The following BCKDHB variants were observed in gnomAD, a reference collection of about 807,000 sequenced individuals.
BCKDHB encodes the protein 2-oxoisovalerate dehydrogenase subunit beta, mitochondrial.
BCKDHB carries 41 observed loss-of-function variants against 48.5 expected under a neutral mutation model. The ratio of observed to expected loss-of-function variants is 0.85; its 90% CI spans 0.66 to 1.10. BCKDHB has a LOEUF of 1.10. Ranked by LOEUF, BCKDHB falls within the 50% of genes least tolerant of loss-of-function variation. The probability of loss-of-function intolerance (pLI) is 0.00; values close to 1 mark genes in which losing one functional copy is unlikely to be tolerated. For synonymous variants in BCKDHB, 201 were observed against 174.8 expected, an observed-to-expected ratio of 1.15 and a Z score of -1.18; for missense variants, 496 against 494.2, an observed-to-expected ratio of 1.00 and a Z score of -0.03.
At chr6:80,445,472 G>C in the BCKDHB span, among the ~76,000 whole-genome samples, 1 of 152,274 alleles carries the variant, frequency 6.6e-6, no homozygotes, top group African/African-American at 2.4e-5. Flanking sequence ...AGCTGAGTGA[G>C]ACTCAATTGA....
chr6:80,301,536 G>A (rs956891872), intron 9 of BCKDHB, among the ~76,000 whole-genome samples: 1 of 151,952 alleles, frequency 6.6e-6, no homozygotes, highest in East Asian at 1.9e-4. Context: ...ATCATTAAGC[G>A]CCATGAACCA....
chr6:80,335,781 T>C (rs1769564143), intron 9 of BCKDHB, among the ~76,000 whole-genome samples: 1 of 152,068 alleles, frequency 6.6e-6, no homozygotes, highest in Non-Finnish European at 1.5e-5. Flanking sequence ...GAGGAAACTT[T>C]GATAGTTCAA....
In BCKDHB at chr6:80,200,956, A is replaced by C; in HGVS notation, c.765A>C (p.Pro255=). The C allele has an allele frequency of 6.2e-7, 1 of 1,612,242 alleles. No homozygotes were observed. The highest frequency in any genetic ancestry group is 8.5e-7 in the Non-Finnish European group (1 of 1,178,660). The change falls in exon 7 of 10, where the codon CCA becomes CCC. Residue 255 remains proline, a synonymous_variant. Coordinates refer to ENST00000320393, the MANE Select transcript of BCKDHB (RefSeq NM_183050.4). ...TAGCGGAAGAAGTCCCTATAGAACC[A>C]TACAACATCCCACTGTCCCAGGCCG... ...RAAAEEVPIE[P]YNIPLSQAEV... is the part of the protein sequence containing the mutation.
In BCKDHB at chr6:80,230,026, G is replaced by GTTTTTTTTTTT. The variant is rs551632775; in HGVS notation, c.951+26834_951+26844dup. 6.1e-4 allele frequency among the ~76,000 whole-genome samples: 37 copies of GTTTTTTTTTTT among 60,654 alleles called. 4 individuals are homozygous for GTTTTTTTTTTT. The highest frequency in any genetic ancestry group is 2.1e-3 in the African/African-American group (31 of 14,476). 39.8% of individuals were successfully genotyped at this position (60,654 alleles called of 152,430 possible). A position where few individuals can be genotyped will look rare whatever the true frequency, so the allele number is the denominator to read the frequency against. On this transcript the variant is annotated intron_variant, in intron 8 of 9. Transcript: ENST00000320393. ...TGAATTCCAAAGGGGTTTTTAGGTTGTTTTTTTTTTTTTTTTTTTTTTTTT... is the reference window on the plus strand; with the variant it reads ...TGAATTCCAAAGGGGTTTTTAGGTTGTTTTTTTTTTTTTTTTTTTTTTTTTTTTTTTTTTTT...
chr6:80,294,100 T>A (rs1242598891), intron 9 of BCKDHB, among the ~76,000 whole-genome samples: 1 of 152,180 alleles, frequency 6.6e-6, no homozygotes, highest in Non-Finnish European at 1.5e-5. Flanking sequence ...CAAAGTCAGT[T>A]CCACATTTTC....
intron 1 of BCKDHB, among the ~76,000 whole-genome samples, chr6:80,115,294 C>T (rs1419017764): frequency 6.6e-6 from 1 of 152,122 alleles, no homozygotes; most frequent in Non-Finnish European, 1.5e-5. Flanking sequence ...ACTATCGTCA[C>T]GTACTACTGT....
At chr6:80,109,282 A>G (rs904653862) in intron 1 of BCKDHB, among the ~76,000 whole-genome samples, 3 of 152,194 alleles carry the variant, frequency 2.0e-5, no homozygotes, top group Non-Finnish European at 2.9e-5. Context: ...TCTATAATAT[A>G]CTTAACACTG....
At chr6:80,454,019 G>A in the BCKDHB span, 1 of 152,144 alleles carries the variant, frequency 6.6e-6, no homozygotes, top group Non-Finnish European at 1.5e-5. Context: ...CCTGTGACAT[G>A]AGCATTTGGG....
intron 9 of BCKDHB, among the ~76,000 whole-genome samples, chr6:80,280,830 A>T (rs1778163352): frequency 6.6e-6 from 1 of 152,132 alleles, no homozygotes; most frequent in South Asian, 2.1e-4. Flanking sequence ...GAGAAAGGTG[A>T]ATTTTTCAGA....
the BCKDHB span, among the ~76,000 whole-genome samples, chr6:80,399,362 G>T: frequency 2.6e-3 from 389 of 152,158 alleles, 2 homozygotes; most frequent in African/African-American, 8.9e-3. Context: ...CATAGTCTTG[G>T]CCCAAAAGCA....
chr6:80,455,711 A>G, the BCKDHB span, among the ~76,000 whole-genome samples: 1 of 151,936 alleles, frequency 6.6e-6, no homozygotes, highest in East Asian at 1.9e-4. Context: ...AATCCCACAT[A>G]AATCTCCCCT....
At chr6:80,318,504 C>T (rs147639853) in intron 9 of BCKDHB, among the ~76,000 whole-genome samples, 2,160 of 151,876 alleles carry the variant, frequency 0.014, 43 homozygotes, top group African/African-American at 0.049. Context: ...CTGACCAATA[C>T]GGTGAAACCC....
chr6:80,360,518 T>G, the BCKDHB span, among the ~76,000 whole-genome samples: 1 of 152,192 alleles, frequency 6.6e-6, no homozygotes, highest in African/African-American at 2.4e-5. Flanking sequence ...CCGAATGTAA[T>G]CTCTTTAATG....
At chr6:80,430,562 G>A in the BCKDHB span, among the ~76,000 whole-genome samples, 8 of 149,990 alleles carry the variant, frequency 5.3e-5, no homozygotes, top group Non-Finnish European at 1.2e-4. Context: ...GTCTATTCAG[G>A]GATTCAATTT....
the BCKDHB span, among the ~76,000 whole-genome samples, chr6:80,389,742 A>G: frequency 6.6e-6 from 1 of 152,152 alleles, no homozygotes; most frequent in African/African-American, 2.4e-5. Flanking sequence ...CACAGTTACA[A>G]TGCCAACTAG....
intron 8 of BCKDHB, among the ~76,000 whole-genome samples, chr6:80,233,966 T>C (rs1006067532): frequency 7.2e-5 from 11 of 152,218 alleles, no homozygotes; most frequent in African/African-American, 2.4e-4. Context: ...GGGTGGGAAA[T>C]GGTTTCGAGA....
chr6:80,334,316 T>C (rs1769462840), intron 9 of BCKDHB, among the ~76,000 whole-genome samples: 1 of 152,094 alleles, frequency 6.6e-6, no homozygotes, highest in Non-Finnish European at 1.5e-5. Context: ...TGCATATAAA[T>C]AATAGGGCAA....
At chr6:80,367,470 T>C in the BCKDHB span, among the ~76,000 whole-genome samples, 3 of 152,272 alleles carry the variant, frequency 2.0e-5, no homozygotes, top group East Asian at 5.8e-4. Flanking sequence ...CAAACTCTAC[T>C]GTTTTTTTAT....
intron 5 of BCKDHB, among the ~76,000 whole-genome samples, chr6:80,170,416 GTGATT>G (rs1484866981): frequency 2.6e-5 from 4 of 152,142 alleles, no homozygotes; most frequent in Admixed American, 2.6e-4. Flanking sequence ...GACAAAGTTT[GTGATT>G]TAAGTCAACA....
Sources: gnomAD v4.1 joint callset for allele counts (sites outside exome capture counted in the v4.1 genomes callset) on GRCh38, gnomAD v4.1.1 for gene constraint, MANE v1.5 for transcripts, NCBI Gene and HGNC (gene_info 2026-07-23, HGNC 2026-07-21) for gene names.